Variants in CASP5 observed in about 807,000 individuals in gnomAD.
CASP5 encodes caspase 5, also known as caspase-5.
A neutral mutation model predicts 45.2 loss-of-function variants in CASP5; 42 were observed. That is an observed-to-expected ratio of 0.93 (90% CI 0.73 to 1.20). The LOEUF (loss-of-function observed/expected upper bound fraction) is 1.20. Among genes scored for constraint, CASP5 ranks in the 50% most tolerant of loss-of-function variants. The pLI is 0.00. For synonymous variants in CASP5, 209 were observed against 186.2 expected (o/e 1.12, Z -1.00); for missense variants, 512 against 532.2 (o/e 0.96, Z 0.37).
chr11:105,007,670 C>T (rs1339703293), intron 2 of CASP5, among the ~76,000 whole-genome samples: 1 of 152,048 alleles, frequency 6.6e-6, no homozygotes, highest in Non-Finnish European at 1.5e-5. Context: ...TGATAATTTA[C>T]CTGAAATGGA....
At chr11:105,021,861 G>A (rs950460819) in intron 1 of CASP5, among the ~76,000 whole-genome samples, 5 of 150,122 alleles carry the variant, frequency 3.3e-5, no homozygotes, top group African/African-American at 9.8e-5. Flanking sequence ...ACATGCACAC[G>A]TATGTTTATT....
rs949014511 is a variant in CASP5 at position 105,002,311 on chromosome 11, A to C, written c.544-110T>G. Reference sequence around the variant, plus strand: ...CCTCATGCAGCTGCCACCTTCCCTAACCTCTATCAGAAGACACTGCCTTCC... The same window carrying C: ...CCTCATGCAGCTGCCACCTTCCCTACCCTCTATCAGAAGACACTGCCTTCC... On this transcript the variant is annotated intron_variant, in intron 4 of 9. Transcript: ENST00000260315. The C allele has an allele frequency of 1.3e-5, 10 of 799,864 alleles. No individual in the cohort carries two copies. In the African/African-American group the frequency reaches 1.7e-4, roughly 14 times the overall value. 49.5% of individuals were successfully genotyped at this position (799,864 alleles called of 1,614,324 possible).
intron 1 of CASP5, among the ~76,000 whole-genome samples, chr11:105,009,758 TACACAC>T (rs1199603594): frequency 2.2e-5 from 2 of 90,252 alleles, no homozygotes; most frequent in African/African-American, 8.7e-5. Context: ...TATATATATA[TACACAC>T]ACACACGTAT....
rs375005378 is a variant in CASP5 at position 104,997,526 on chromosome 11, C to T, written c.1097-34G>A. On this transcript the variant is annotated intron_variant, in intron 7 of 9. Transcript: ENST00000260315. The stretch of plus-strand genomic sequence containing the variant: ...ATACAGCCTGGTATGCCTTGGGCTA[C>T]GACTTTCACTATGTTTTTGTTTATA... 249 of 1,302,132 alleles carry T rather than the reference C, an allele frequency of 1.9e-4. 1 individual carries two copies. Among genetic ancestry groups the T allele is most frequent in the Non-Finnish European group, 8.6e-5 (79 of 918,606 alleles). 80.7% of individuals were successfully genotyped at this position (1,302,132 alleles called of 1,614,324 possible).
At chr11:105,021,861 G>T (rs950460819) in intron 1 of CASP5, among the ~76,000 whole-genome samples, 1 of 150,000 alleles carries the variant, frequency 6.7e-6, no homozygotes, top group Non-Finnish European at 1.5e-5. Context: ...ACATGCACAC[G>T]TATGTTTATT....
intron 5 of CASP5, 123 bp from the exon 6 acceptor site, chr11:105,000,618 C>T: frequency 8.4e-6 from 7 of 835,978 alleles, no homozygotes; most frequent in Non-Finnish European, 1.3e-5. Flanking sequence ...TCACATAGCG[C>T]TTACTCAGTC....
intron 3 of CASP5, among the ~76,000 whole-genome samples, chr11:105,003,703 C>T (rs1047573833): frequency 2.0e-5 from 3 of 151,924 alleles, no homozygotes; most frequent in Admixed American, 1.3e-4. Context: ...AGTGGTTTTA[C>T]GCTAGGGTAC....
chr11:105,001,734 G>T (rs1273304347), intron 5 of CASP5, among the ~76,000 whole-genome samples: 1 of 152,028 alleles, frequency 6.6e-6, no homozygotes, highest in Non-Finnish European at 1.5e-5. Context: ...GGAATCTTGG[G>T]GCTACATCCC....
At position 105,017,227 on chromosome 11, in the gene CASP5, G is replaced by A. The variant is rs1433721623; in HGVS notation, c.7+5903C>T. Among the ~76,000 whole-genome samples the A allele has an allele frequency of 2.0e-5, 3 of 152,144 alleles. No individual in the cohort carries two copies. In the East Asian group the frequency reaches 5.8e-4, roughly 29 times the overall value. ...GGGGAAAAAACAGAGCAGAAAAACT[G>A]GAAACTCTAAAAAGCAGAGCGACTC... is the stretch of plus-strand genomic sequence containing the variant. On this transcript the variant is annotated intron_variant, in intron 1 of 9. Coordinates refer to ENST00000260315, the MANE Select transcript of CASP5 (RefSeq NM_004347.5).
intron 5 of CASP5, among the ~76,000 whole-genome samples, chr11:105,000,746 AT>A (rs1565381354): frequency 1.3e-5 from 2 of 151,132 alleles, no homozygotes; most frequent in Admixed American, 1.3e-4. Flanking sequence ...TATATTGTAT[AT>A]TTTTATATGT....
Position 105,012,089 on chromosome 11 carries a change from G to C in CASP5, c.8-3109C>G, listed in dbSNP as rs75851359. 5.9e-3 allele frequency among the ~76,000 whole-genome samples: 896 copies of C among 151,756 alleles called. 34 individuals carry two copies. In the East Asian group the frequency reaches 0.099, roughly 17 times the overall value. On this transcript the variant is annotated intron_variant, in intron 1 of 9. Coordinates refer to ENST00000260315, the MANE Select transcript of CASP5 (RefSeq NM_004347.5). ...TAGTACTGGCATAAAAGCAAACACA[G>C]AGATCAATGGAATAAAACAAAAAGG...
chr11:105,007,465 A>G (rs1207212349), intron 2 of CASP5, 131 bp from the exon 3 acceptor site: 2 of 874,850 alleles, frequency 2.3e-6, no homozygotes, highest in Non-Finnish European at 3.5e-6. Context: ...CCAGCGAATA[A>G]CACACATCTT....
chr11:105,014,322 A>T (rs1243307076), intron 1 of CASP5, among the ~76,000 whole-genome samples: 3 of 151,226 alleles, frequency 2.0e-5, no homozygotes, highest in Non-Finnish European at 2.9e-5. Flanking sequence ...CAATCCTCTG[A>T]TTCTCTGAGG....
chr11:105,000,207 A>G (rs1861654370), intron 6 of CASP5, 54 bp downstream of exon 6: 1 of 1,576,516 alleles, frequency 6.3e-7, no homozygotes, highest in African/African-American at 1.3e-5. Flanking sequence ...ACCAAACATC[A>G]CAATCCTCTG....
intron 1 of CASP5, among the ~76,000 whole-genome samples, chr11:105,015,522 T>G (rs1215627795): frequency 6.6e-6 from 1 of 152,196 alleles, no homozygotes; most frequent in Non-Finnish European, 1.5e-5. Context: ...ATACTGTTTT[T>G]CACTAGTTTT....
intron 6 of CASP5, 98 bp from the exon 7 acceptor site, chr11:104,999,126 A>G (rs1416864424): frequency 1.6e-5 from 17 of 1,077,448 alleles, no homozygotes; most frequent in East Asian, 5.0e-5. Context: ...CGCATGTACC[A>G]TTGTGGTTTG....
chr11:104,998,880 C>T lies in CASP5; in HGVS notation c.1096+5G>A. 2 of 1,611,282 alleles carry T rather than the reference C, an allele frequency of 1.2e-6. No individual in the cohort carries two copies. The highest frequency in any genetic ancestry group is 1.7e-6 in the Non-Finnish European group (2 of 1,179,010). On this transcript the variant is annotated splice_donor_5th_base_variant and intron_variant, in intron 7 of 9. Transcript: ENST00000260315. ...AATTTTTGACTGTTACTAAAAGACA[C>T]ATACGTGGTGTTGAAGAACAGAAAG...
At chr11:105,011,148 T>TGAAG (rs1336676332) in intron 1 of CASP5, among the ~76,000 whole-genome samples, 6 of 151,746 alleles carry the variant, frequency 4.0e-5, no homozygotes, top group Admixed American at 2.0e-4. Context: ...ACAGGGAATG[T>TGAAG]GAAGATTTGC....
chr11:105,009,808 CACACACATATATATATACACAT>C (rs1565388341), intron 1 of CASP5, among the ~76,000 whole-genome samples: 4,031 of 96,176 alleles, frequency 0.042, 283 homozygotes, highest in African/African-American at 0.16. Context: ...TATATATATA[CACACACATATATATATACACAT>C]ATATATATAC....
Sources: allele counts gnomAD v4.1 joint callset (sites outside exome capture counted in the v4.1 genomes callset), GRCh38; gene constraint gnomAD v4.1.1; transcripts MANE v1.5; gene names NCBI Gene and HGNC (gene_info 2026-07-23, HGNC 2026-07-21).